Variants in ZBTB20 observed in about 807,000 individuals in gnomAD.
ZBTB20 encodes the protein zinc finger and BTB domain containing 20, also known as zinc finger and BTB domain-containing protein 20.
A neutral mutation model predicts 56.9 loss-of-function variants in ZBTB20; 9 were observed. That is an observed-to-expected ratio of 0.16 (90% CI 0.10 to 0.28). The LOEUF is 0.28. Ranked by LOEUF, ZBTB20 falls within the 10% of genes least tolerant of loss-of-function variation. The pLI, the probability that ZBTB20 is intolerant of heterozygous loss-of-function variation, is 1.00. For missense variants in ZBTB20, 655 were observed against 1,003.0 expected (o/e 0.65, Z 4.69); for synonymous variants, 417 against 420.7 (o/e 0.99, Z 0.11).
chr3:114,839,416 A>AAAGAAAGG (rs2074269704), intron 4 of ZBTB20, among the ~76,000 whole-genome samples: 1 of 147,234 alleles, frequency 6.8e-6, no homozygotes, highest in Admixed American at 6.8e-5. Context: ...TGAAAGAAAG[A>AAAGAAAGG]AAGAAAGAAA....
At chr3:114,525,791 C>T (rs2047152611) in intron 6 of ZBTB20, among the ~76,000 whole-genome samples, 1 of 152,176 alleles carries the variant, frequency 6.6e-6, no homozygotes, top group Non-Finnish European at 1.5e-5. Flanking sequence ...TCATAGACTT[C>T]CATCTTCCTC....
intron 4 of ZBTB20, among the ~76,000 whole-genome samples, chr3:114,829,464 C>A (rs753713951): frequency 9.9e-5 from 15 of 151,796 alleles, no homozygotes; most frequent in Non-Finnish European, 1.9e-4. Context: ...TGTATCACAG[C>A]TAAATAAAAT....
intron 6 of ZBTB20, among the ~76,000 whole-genome samples, chr3:114,683,860 T>A (rs1298694492): frequency 6.6e-6 from 1 of 151,928 alleles, no homozygotes; most frequent in African/African-American, 2.4e-5. Flanking sequence ...CTGCCTGACA[T>A]CTCTGAGGGA....
chr3:114,433,805 T>G (rs1185277739), intron 7 of ZBTB20, among the ~76,000 whole-genome samples: 1 of 152,098 alleles, frequency 6.6e-6, no homozygotes, highest in Middle Eastern at 3.2e-3. Flanking sequence ...AAGAAGCAAG[T>G]CCTCCTGGCT....
In ZBTB20 at chr3:114,903,894, G is replaced by T. The variant is rs1369943994; in HGVS notation, c.-455-3552C>A. Among the ~76,000 whole-genome samples the T allele has an allele frequency of 3.3e-5, 5 of 151,848 alleles. No individual in the cohort carries two copies. The South Asian group carries it at 6.2e-4, about 19-fold the overall frequency. On this transcript the variant is annotated intron_variant, in intron 3 of 11. Coordinates refer to ENST00000675478, the MANE Select transcript of ZBTB20 (RefSeq NM_001348800.3). ...TTTGCAACTCTAAGTAAAAAAAAAC[G>T]TTAGAGTCAGTTTTTTTCTTATGGC...
intron 4 of ZBTB20, among the ~76,000 whole-genome samples, chr3:114,879,994 T>A (rs2076339742): frequency 6.6e-6 from 1 of 152,208 alleles, no homozygotes; most frequent in Non-Finnish European, 1.5e-5. Context: ...TTTGATTTTT[T>A]AAAAATTAGC....
intron 4 of ZBTB20, among the ~76,000 whole-genome samples, chr3:114,846,852 C>T (rs969074226): frequency 1.3e-5 from 2 of 152,070 alleles, no homozygotes; most frequent in Non-Finnish European, 2.9e-5. Flanking sequence ...GAAAATGACT[C>T]CACCATAAGT....
At chr3:114,536,660 A>G (rs1230187475) in intron 6 of ZBTB20, among the ~76,000 whole-genome samples, 1 of 152,226 alleles carries the variant, frequency 6.6e-6, no homozygotes, top group Non-Finnish European at 1.5e-5. Context: ...ATATGGAATC[A>G]AAAAAGAACC....
intron 6 of ZBTB20, among the ~76,000 whole-genome samples, chr3:114,510,827 C>T (rs183850624): frequency 9.8e-4 from 149 of 152,080 alleles, no homozygotes; most frequent in African/African-American, 2.6e-3. Flanking sequence ...AAAAAACATC[C>T]GATCTTACAG....
At chr3:114,420,354 C>G (rs1266751990) in intron 7 of ZBTB20, among the ~76,000 whole-genome samples, 1 of 152,096 alleles carries the variant, frequency 6.6e-6, no homozygotes, top group African/African-American at 2.4e-5. Flanking sequence ...TAAAGAAACA[C>G]AAAGAAATCA....
chr3:114,764,043 C>T (rs1305329531), intron 5 of ZBTB20, among the ~76,000 whole-genome samples: 1 of 152,032 alleles, frequency 6.6e-6, no homozygotes, highest in East Asian at 1.9e-4. Context: ...GGATTCAAAA[C>T]CCCAGTAATG....
intron 1 of ZBTB20, among the ~76,000 whole-genome samples, chr3:115,141,834 C>T (rs933224086): frequency 2.0e-5 from 3 of 152,128 alleles, no homozygotes; most frequent in Non-Finnish European, 4.4e-5. Flanking sequence ...CTTAGACTTA[C>T]CTTACAAATA....
intron 10 of ZBTB20, among the ~76,000 whole-genome samples, chr3:114,376,196 G>A (rs1000790001): frequency 6.6e-6 from 1 of 152,168 alleles, no homozygotes; most frequent in Non-Finnish European, 1.5e-5. Flanking sequence ...GGAAGCTAAA[G>A]ACCCATATCC....
chr3:114,725,610 C>G (rs2065217895), intron 5 of ZBTB20, among the ~76,000 whole-genome samples: 1 of 152,194 alleles, frequency 6.6e-6, no homozygotes. Flanking sequence ...GGAGACTGTT[C>G]TGGATCTAAG....
At chr3:114,491,517 T>C (rs1005341348) in intron 7 of ZBTB20, among the ~76,000 whole-genome samples, 1 of 152,212 alleles carries the variant, frequency 6.6e-6, no homozygotes, top group Non-Finnish European at 1.5e-5. Context: ...ACACGTGGGC[T>C]TGCATCTGCT....
intron 6 of ZBTB20, among the ~76,000 whole-genome samples, chr3:114,638,458 G>T (rs1286524397): frequency 2.0e-5 from 3 of 152,096 alleles, no homozygotes; most frequent in Non-Finnish European, 4.4e-5. Flanking sequence ...AGCCACTTAA[G>T]TCAGGATTTG....
chr3:115,043,158 A>T (rs1009970665), intron 2 of ZBTB20, among the ~76,000 whole-genome samples: 3 of 152,226 alleles, frequency 2.0e-5, no homozygotes, highest in Non-Finnish European at 2.9e-5. Context: ...ATAATGCTTT[A>T]AATATTGAAC....
At chr3:114,474,511 T>C (rs1208039928) in intron 7 of ZBTB20, among the ~76,000 whole-genome samples, 1 of 152,164 alleles carries the variant, frequency 6.6e-6, no homozygotes, top group Non-Finnish European at 1.5e-5. Context: ...CTCTATCTAG[T>C]GAGGCATAGG....
chr3:115,014,656 T>G (rs955688868), intron 2 of ZBTB20, among the ~76,000 whole-genome samples: 13 of 151,848 alleles, frequency 8.6e-5, no homozygotes, highest in Non-Finnish European at 1.3e-4. Context: ...TGCTAGGAGA[T>G]GTAGCGATGA....
Sources: allele counts gnomAD v4.1 joint callset (sites outside exome capture counted in the v4.1 genomes callset), GRCh38; gene constraint gnomAD v4.1.1; transcripts MANE v1.5; gene names NCBI Gene and HGNC (gene_info 2026-07-23, HGNC 2026-07-21).